The following C1QA variants were observed in gnomAD, a reference collection of about 807,000 sequenced individuals.
C1QA encodes the protein complement C1q subcomponent subunit A.
C1QA carries 3 observed loss-of-function variants against 6.9 expected under a neutral mutation model. The observed-to-expected ratio is 0.44, with a 90% CI of 0.20 to 1.12. The LOEUF (loss-of-function observed/expected upper bound fraction) is 1.12, where lower values mean the gene tolerates loss of function less well. Ranked by LOEUF, C1QA falls within the 50% of genes most tolerant of loss-of-function variation. The probability of loss-of-function intolerance (pLI) is 0.27; values close to 1 mark genes in which losing one functional copy is unlikely to be tolerated. For synonymous variants in C1QA, 128 were observed against 134.1 expected (o/e 0.95, Z 0.31); for missense variants, 273 against 326.6 (o/e 0.84, Z 1.26).
At position 22,639,655 on chromosome 1, in the gene C1QA, A is replaced by C; in HGVS notation, c.*248A>C. 3.5e-6 allele frequency: 2 copies of C among 578,644 alleles called. No individual in the cohort carries two copies. The highest frequency in any genetic ancestry group is 2.9e-5 in the East Asian group (1 of 34,236). The allele number at this position is 578,644 out of a possible 1,614,324, so 35.8% of individuals were successfully genotyped here. ...GGAGCATTGAGAGGGAGGCCTAAGA[A>C]TAATAACAATCCAGTGCTTAAGAGT... On this transcript the variant is annotated 3_prime_UTR_variant, in exon 3 of 3. Coordinates refer to ENST00000374642, the MANE Select transcript of C1QA (RefSeq NM_015991.4). The surrounding 1 kb of genome is among the most constrained non-coding windows in gnomAD (Gnocchi z 4.6).
rs34139950 is a variant in C1QA at position 22,639,317 on chromosome 1, G to T, written c.648G>T (p.Trp216Cys). The change falls in exon 3 of 3, where the codon TGG becomes TGT. Residue 216 changes from tryptophan to cysteine, a missense_variant. Transcript: ENST00000374642. This position sits in a 1 kb window ranked among gnomAD's most constrained non-coding sequence, Gnocchi z 4.6. ...VLQLQQGDQV[W>C]VEKDPKKGHI... ...AGCTGCAGCAGGGTGACCAGGTCTG[G>T]GTTGAAAAAGACCCCAAAAAGGGTC... 11 of 1,614,066 alleles carry T rather than the reference G, an allele frequency of 6.8e-6. No individual in the cohort carries two copies. Among genetic ancestry groups the T allele is most frequent in the Non-Finnish European group, 6.8e-6 (8 of 1,180,002 alleles).
At position 22,637,092 on chromosome 1, in the gene C1QA, G is replaced by A. The variant is rs1642192233; in HGVS notation, c.-8+390G>A. Among the ~76,000 whole-genome samples the A allele has an allele frequency of 6.6e-6, 1 of 152,226 alleles. No individual in the cohort carries two copies. Among genetic ancestry groups the A allele is most frequent in the South Asian group, 2.1e-4 (1 of 4,832 alleles). Reference sequence around the variant, plus strand: ...GTGGATGCTGAAAGGCGCTGAGCATGCAGAAGAGTGAGCAGGTGTCGCTTT... The same window carrying A: ...GTGGATGCTGAAAGGCGCTGAGCATACAGAAGAGTGAGCAGGTGTCGCTTT... On this transcript the variant is annotated intron_variant, in intron 1 of 2. Transcript: ENST00000374642. This position sits in a 1 kb window ranked among gnomAD's most constrained non-coding sequence, Gnocchi z 4.4.
In C1QA at chr1:22,637,218, A is replaced by T. The variant is rs2148289645; in HGVS notation, c.-7-392A>T. ...GCGCTCAATACATATTTGTTCAATG[A>T]AATCGATTACCTGTGGGAGTGTATG... On this transcript the variant is annotated intron_variant, in intron 1 of 2. Transcript: ENST00000374642. This position sits in a 1 kb window ranked among gnomAD's most constrained non-coding sequence, Gnocchi z 4.4. Among the ~76,000 whole-genome samples the T allele has an allele frequency of 6.6e-6, 1 of 152,312 alleles. No homozygotes were observed. The highest frequency in any genetic ancestry group is 3.4e-3 in the Middle Eastern group (1 of 294).
Position 22,637,623 on chromosome 1 carries a change from G to A in C1QA, c.7G>A (p.Gly3Ser), listed in dbSNP as rs2148289882. ...GTGTCTCCACAGAGGCATCATGGAG[G>A]GTCCCCGGGGATGGCTGGTGCTCTG... MEGPRGWLVLCVL... is the reference protein window; with the variant it reads MESPRGWLVLCVL... Residue 3 changes from glycine (G) to serine (S), a missense_variant, in exon 2 of 3, where the codon GGT becomes AGT. Physicochemically the swap from Gly to Ser is moderately conservative, Grantham distance 56 (BLOSUM62 0). Transcript: ENST00000374642. The surrounding 1 kb of genome is among the most constrained non-coding windows in gnomAD (Gnocchi z 4.4). The A allele has an allele frequency of 1.2e-6, 2 of 1,614,080 alleles. No homozygotes were observed. Among genetic ancestry groups the A allele is most frequent in the Middle Eastern group, 1.7e-4 (1 of 6,046 alleles).
chr1:22,636,585 G>C (rs1385006239), upstream of C1QA: 3 of 152,696 alleles, frequency 2.0e-5, no homozygotes, highest in African/African-American at 7.2e-5. Context: ...TCTGAAGAAG[G>C]GGAAGTAGGA....
In C1QA at chr1:22,639,166, T is replaced by C. The variant is rs200812579; in HGVS notation, c.497T>C (p.Leu166Pro). Residue 166 changes from leucine to proline, a missense_variant, in exon 3 of 3, where the codon CTG (leucine) becomes CCG (proline). By Grantham distance (98) the Leu-to-Pro change is moderately conservative. Coordinates refer to ENST00000374642, the MANE Select transcript of C1QA (RefSeq NM_015991.4). This position sits in a 1 kb window ranked among gnomAD's most constrained non-coding sequence, Gnocchi z 4.6. ...PGYYYFTFQV[L>P]SQWEICLSIV... is the part of the protein sequence containing the mutation. ...TACTACTACTTCACCTTCCAGGTGC[T>C]GTCCCAGTGGGAAATCTGCCTGTCC... 253 of 1,614,112 alleles carry C rather than the reference T, an allele frequency of 1.6e-4. No individual in the cohort carries two copies. Among genetic ancestry groups the C allele is most frequent in the Non-Finnish European group, 2.1e-4 (246 of 1,180,042 alleles).
rs1017431878 is a variant in C1QA at position 22,637,362 on chromosome 1, CTG to C, written c.-7-244_-7-243del. On this transcript the variant is annotated intron_variant, in intron 1 of 2. Coordinates refer to ENST00000374642, the MANE Select transcript of C1QA (RefSeq NM_015991.4). This position sits in a 1 kb window ranked among gnomAD's most constrained non-coding sequence, Gnocchi z 4.4. Reference sequence around the variant, plus strand: ...TGTTTTGTAGGTGCGTGGATGAGAGCTGTGTTTGTGTGAGTGTGTGAAGATGT... The same window carrying C: ...TGTTTTGTAGGTGCGTGGATGAGAGCTGTTTGTGTGAGTGTGTGAAGATGT... Among the ~76,000 whole-genome samples the C allele has an allele frequency of 2.6e-5, 4 of 151,956 alleles. No individual in the cohort carries two copies. The highest frequency in any genetic ancestry group is 4.8e-5 in the African/African-American group (2 of 41,348).
At position 22,639,658 on chromosome 1, in the gene C1QA, A is replaced by G. The variant is rs964938421; in HGVS notation, c.*251A>G. The G allele has an allele frequency of 1.6e-5, 9 of 573,486 alleles. No homozygotes were observed. The highest frequency in any genetic ancestry group is 3.0e-5 in the East Asian group (1 of 33,690). 35.5% of individuals were successfully genotyped at this position (573,486 alleles called of 1,614,324 possible). On this transcript the variant is annotated 3_prime_UTR_variant, in exon 3 of 3. Coordinates refer to ENST00000374642, the MANE Select transcript of C1QA (RefSeq NM_015991.4). The surrounding 1 kb of genome is among the most constrained non-coding windows in gnomAD (Gnocchi z 4.6). ...GCATTGAGAGGGAGGCCTAAGAATA[A>G]TAACAATCCAGTGCTTAAGAGTCAG...
chr1:22,637,704 G>T lies in C1QA; in HGVS notation c.88G>T (p.Asp30Tyr), dbSNP rs1015076483. ...GACCGAGGACTTGTGCCGAGCACCA[G>T]ACGGGAAGAAAGGGGAGGCAGGAAG... ...MVTEDLCRAP[D>Y]GKKGEAGRPG... is the part of the protein sequence containing the mutation. The change falls in exon 2 of 3, where the codon GAC becomes TAC. Residue 30 changes from aspartate (D) to tyrosine (Y), a missense_variant. Transcript: ENST00000374642. This position sits in a 1 kb window ranked among gnomAD's most constrained non-coding sequence, Gnocchi z 4.4. The T allele has an allele frequency of 2.5e-6, 4 of 1,613,626 alleles. No individual in the cohort carries two copies. The highest frequency in any genetic ancestry group is 3.4e-6 in the Non-Finnish European group (4 of 1,179,924).
Position 22,639,118 on chromosome 1 carries a change from G to T in C1QA, c.449G>T (p.Arg150Leu). 6.2e-7 allele frequency: 1 copy of T among 1,614,250 alleles called. No individual in the cohort carries two copies. The highest frequency in any genetic ancestry group is 2.2e-5 in the East Asian group (1 of 44,878). ...QEEPYQNHSG[R>L]FVCTVPGYYY... Reference sequence around the variant, plus strand: ...GAACCGTACCAGAACCACTCCGGCCGATTCGTCTGCACTGTACCCGGCTAC... The same window carrying T: ...GAACCGTACCAGAACCACTCCGGCCTATTCGTCTGCACTGTACCCGGCTAC... Residue 150 changes from arginine to leucine, a missense_variant, in exon 3 of 3, where the codon CGA becomes CTA. Coordinates refer to ENST00000374642, the MANE Select transcript of C1QA (RefSeq NM_015991.4). This position sits in a 1 kb window ranked among gnomAD's most constrained non-coding sequence, Gnocchi z 4.6.
In C1QA at chr1:22,639,144, T is replaced by C. The variant is rs754597784; in HGVS notation, c.475T>C (p.Tyr159His). 5.0e-6 allele frequency: 8 copies of C among 1,614,258 alleles called. No homozygotes were observed. Among genetic ancestry groups the C allele is most frequent in the Non-Finnish European group, 2.5e-6 (3 of 1,180,032 alleles). ...ATTCGTCTGCACTGTACCCGGCTAC[T>C]ACTACTTCACCTTCCAGGTGCTGTC... ...GRFVCTVPGY[Y>H]YFTFQVLSQW... Residue 159 changes from tyrosine to histidine, a missense_variant, in exon 3 of 3, where the codon TAC becomes CAC. Coordinates refer to ENST00000374642, the MANE Select transcript of C1QA (RefSeq NM_015991.4). The surrounding 1 kb of genome is among the most constrained non-coding windows in gnomAD (Gnocchi z 4.6).
At position 22,639,017 on chromosome 1, in the gene C1QA, C is replaced by A. The variant is rs778184440; in HGVS notation, c.348C>A (p.Ala116=). The A allele has an allele frequency of 1.9e-6, 3 of 1,613,926 alleles. No individual in the cohort carries two copies. In the Admixed American group the frequency reaches 5.0e-5, roughly 27 times the overall value. The change falls in exon 3 of 3, where the codon GCC becomes GCA. Residue 116 remains alanine, a synonymous_variant. Coordinates refer to ENST00000374642, the MANE Select transcript of C1QA (RefSeq NM_015991.4). The surrounding 1 kb of genome is among the most constrained non-coding windows in gnomAD (Gnocchi z 4.6). The part of the protein sequence containing the change: ...PGNIKDQPRP[A]FSAIRRNPPM... Reference sequence around the variant, plus strand: ...ACATCAAGGACCAGCCGAGGCCAGCCTTCTCCGCCATTCGGCGGAACCCCC... The same window carrying A: ...ACATCAAGGACCAGCCGAGGCCAGCATTCTCCGCCATTCGGCGGAACCCCC...
rs17887074 is a variant in C1QA, at chr1:22,637,683, G to A, written c.67G>A (p.Glu23Lys). 5,177 of 1,614,002 alleles carry A rather than the reference G, an allele frequency of 3.2e-3. 25 individuals carry two copies. The highest frequency in any genetic ancestry group is 3.2e-3 in the Non-Finnish European group (3,802 of 1,179,962). ...CATATCGCTGGCCTCTATGGTGACC[G>A]AGGACTTGTGCCGAGCACCAGACGG... ...LAISLASMVT[E>K]DLCRAPDGKK... Residue 23 changes from glutamate (E) to lysine (K), a missense_variant, in exon 2 of 3, where the codon GAG (glutamate) becomes AAG (lysine). Glu to Lys is a moderately conservative substitution (Grantham distance 56, BLOSUM62 1). Transcript: ENST00000374642. The surrounding 1 kb of genome is among the most constrained non-coding windows in gnomAD (Gnocchi z 4.4).
Position 22,639,669 on chromosome 1 carries a change from G to T in C1QA, c.*262G>T. On this transcript the variant is annotated 3_prime_UTR_variant, in exon 3 of 3. Coordinates refer to ENST00000374642, the MANE Select transcript of C1QA (RefSeq NM_015991.4). This position sits in a 1 kb window ranked among gnomAD's most constrained non-coding sequence, Gnocchi z 4.6. Reference sequence around the variant, plus strand: ...GAGGCCTAAGAATAATAACAATCCAGTGCTTAAGAGTCAGGCCCGTCCTTA... The same window carrying T: ...GAGGCCTAAGAATAATAACAATCCATTGCTTAAGAGTCAGGCCCGTCCTTA... 1.8e-6 allele frequency: 1 copy of T among 552,688 alleles called. No individual in the cohort carries two copies. The highest frequency in any genetic ancestry group is 3.2e-6 in the Non-Finnish European group (1 of 310,934). The allele number at this position is 552,688 out of a possible 1,614,324, so 34.2% of individuals were successfully genotyped here.
Position 22,639,369 on chromosome 1 carries a change from A to G in C1QA, c.700A>G (p.Ser234Gly), listed in dbSNP as rs1350479015. 1 of 1,613,984 alleles carries G rather than the reference A, an allele frequency of 6.2e-7. No homozygotes were observed. Among genetic ancestry groups the G allele is most frequent in the Non-Finnish European group, 8.5e-7 (1 of 1,180,034 alleles). ...CATTTACCAGGGCTCTGAGGCCGAC[A>G]GCGTCTTCAGCGGCTTCCTCATCTT... The part of the protein sequence containing the change: ...GHIYQGSEAD[S>G]VFSGFLIFPS... The change falls in exon 3 of 3, where the codon AGC becomes GGC. Residue 234 changes from serine (S) to glycine (G), a missense_variant. Ser to Gly is a moderately conservative substitution (Grantham distance 56, BLOSUM62 0). Transcript: ENST00000374642. The surrounding 1 kb of genome is among the most constrained non-coding windows in gnomAD (Gnocchi z 4.6).
chr1:22,638,594 T>G (rs1179908851), intron 2 of C1QA, among the ~76,000 whole-genome samples: 2 of 152,190 alleles, frequency 1.3e-5, no homozygotes, highest in Non-Finnish European at 2.9e-5. Context: ...TTCCATGCAT[T>G]TCCCAGAACC....
At chr1:22,638,504 C>T (rs1642214831) in intron 2 of C1QA, among the ~76,000 whole-genome samples, 1 of 152,194 alleles carries the variant, frequency 6.6e-6, no homozygotes, top group African/African-American at 2.4e-5. Flanking sequence ...GTACCTGAAC[C>T]TGAAGCCAAG....
Position 22,637,993 on chromosome 1 carries a change from C to T in C1QA, c.163+214C>T, listed in dbSNP as rs549123137. On this transcript the variant is annotated intron_variant, in intron 2 of 2. Coordinates refer to ENST00000374642, the MANE Select transcript of C1QA (RefSeq NM_015991.4). This position sits in a 1 kb window ranked among gnomAD's most constrained non-coding sequence, Gnocchi z 4.4. ...CTCCACTCCCTGTGTACTGCCTGGGCCCTCTTTCTTCGGCTTCACCTTCCC... is the reference window on the plus strand; with the variant it reads ...CTCCACTCCCTGTGTACTGCCTGGGTCCTCTTTCTTCGGCTTCACCTTCCC... 6.6e-6 allele frequency among the ~76,000 whole-genome samples: 1 copy of T among 152,312 alleles called. No homozygotes were observed. Among genetic ancestry groups the T allele is most frequent in the Non-Finnish European group, 1.5e-5 (1 of 68,022 alleles).
In C1QA at chr1:22,637,918, C is replaced by A; in HGVS notation, c.163+139C>A. 1.7e-6 allele frequency: 2 copies of A among 1,200,100 alleles called. No homozygotes were observed. Among genetic ancestry groups the A allele is most frequent in the Non-Finnish European group, 2.3e-6 (2 of 878,496 alleles). 74.3% of individuals were successfully genotyped at this position (1,200,100 alleles called of 1,614,324 possible). ...TGAATCCTCTCCAGTTTGTACTTGGCCACAGGGGCTAAGGGAGGCCTAGCC... is the reference window on the plus strand; with the variant it reads ...TGAATCCTCTCCAGTTTGTACTTGGACACAGGGGCTAAGGGAGGCCTAGCC... On this transcript the variant is annotated intron_variant, in intron 2 of 2. Coordinates refer to ENST00000374642, the MANE Select transcript of C1QA (RefSeq NM_015991.4). This position sits in a 1 kb window ranked among gnomAD's most constrained non-coding sequence, Gnocchi z 4.4.
Sources: gnomAD v4.1 joint callset for allele counts (sites outside exome capture counted in the v4.1 genomes callset) on GRCh38, gnomAD v4.1.1 for gene constraint, Gnocchi (gnomAD v3.1) non-coding constraint, MANE v1.5 for transcripts, NCBI Gene and HGNC (gene_info 2026-07-23, HGNC 2026-07-21) for gene names.